C5orf34: variants seen among roughly 807,000 people sequenced by gnomAD.
C5orf34 encodes the protein uncharacterized protein C5orf34.
Under a neutral mutation model 78.4 loss-of-function variants are expected in C5orf34, and 73 were observed. The observed-to-expected ratio is 0.93, with a 90% confidence interval of 0.77 to 1.13. The LOEUF is 1.13. C5orf34 is among the 50% of genes most tolerant of loss of function. The pLI is 0.00. For missense variants in C5orf34, 730 were observed against 732.7 expected, an observed-to-expected ratio of 1.00 and a Z score of 0.04; for synonymous variants, 251 against 246.6, an observed-to-expected ratio of 1.02 and a Z score of -0.17.
chr5:43,507,747 T>G (rs567669709), intron 3 of C5orf34, among the ~76,000 whole-genome samples: 1 of 152,100 alleles, frequency 6.6e-6, no homozygotes, highest in African/African-American at 2.4e-5. Context: ...ATAGACAAAT[T>G]AGGTAAACTC....
At chr5:43,494,889 T>G (rs1454827217) in intron 6 of C5orf34, among the ~76,000 whole-genome samples, 1 of 152,122 alleles carries the variant, frequency 6.6e-6, no homozygotes, top group African/African-American at 2.4e-5. Flanking sequence ...AACTACCACA[T>G]GCAAAAAAGA....
chr5:43,512,066 C>T (rs1169597276), intron 1 of C5orf34, among the ~76,000 whole-genome samples: 1 of 151,486 alleles, frequency 6.6e-6, no homozygotes, highest in Non-Finnish European at 1.5e-5. Flanking sequence ...TTCATTCACA[C>T]CTTACCATTT....
At position 43,505,783 on chromosome 5, in the gene C5orf34, G is replaced by A. The variant is rs778005551; in HGVS notation, c.897C>T (p.Ala299=). Residue 299 remains alanine (A), a synonymous_variant, in exon 4 of 13, where the codon GCC becomes GCT. Coordinates refer to ENST00000306862, the MANE Select transcript of C5orf34 (RefSeq NM_198566.4). ...RGKVVSVLPR[A]LSLSCPVPHL... ...GTGGGACTGGACAGCTGAGTGACAG[G>A]GCCCTGGGAAGAACAGAAACCACTT... 10 of 1,596,134 alleles carry A rather than the reference G, an allele frequency of 6.3e-6. No individual in the cohort carries two copies. The East Asian group carries it at 2.0e-4, about 32-fold the overall frequency.
At chr5:43,512,569 ACT>A (rs1194745662) in intron 1 of C5orf34, among the ~76,000 whole-genome samples, 4 of 151,714 alleles carry the variant, frequency 2.6e-5, no homozygotes, top group Non-Finnish European at 4.4e-5. Context: ...CTTGCACCAA[ACT>A]CTCTTTTCCC....
rs145539790 is a variant in C5orf34 at position 43,488,310 on chromosome 5, C to T, written c.1680-361G>A. 4.7e-4 allele frequency: 92 copies of T among 196,094 alleles called. No homozygotes were observed. The East Asian group carries it at 0.011, about 23-fold the overall frequency. 12.1% of individuals were successfully genotyped at this position (196,094 alleles called of 1,614,324 possible). A position where few individuals can be genotyped will look rare whatever the true frequency, so the allele number is the denominator to read the frequency against. The stretch of plus-strand genomic sequence containing the variant: ...AAACTTTACAAACCTATTAAAATCC[C>T]ATTCCTTCTGTGAAAGAACTGCTCT... On this transcript the variant is annotated intron_variant, in intron 11 of 12. Coordinates refer to ENST00000306862, the MANE Select transcript of C5orf34 (RefSeq NM_198566.4).
intron 11 of C5orf34, among the ~76,000 whole-genome samples, chr5:43,489,170 C>G (rs1023522292): frequency 6.6e-6 from 1 of 151,782 alleles, no homozygotes; most frequent in Non-Finnish European, 1.5e-5. Context: ...TTATTGCTCT[C>G]ATAATGAACG....
At chr5:43,493,646 C>CA in intron 7 of C5orf34, 34 bp from the exon 8 acceptor site, 1 of 1,286,104 alleles carries the variant, frequency 7.8e-7, no homozygotes, top group Non-Finnish European at 1.1e-6. Context: ...TAAACATTTG[C>CA]AAATGACATT....
chr5:43,496,097 C>T, intron 6 of C5orf34: 1 of 1,482,532 alleles, frequency 6.7e-7, no homozygotes, highest in Non-Finnish European at 9.2e-7. Flanking sequence ...TTCAAATTCG[C>T]CAACACCAGC....
chr5:43,492,369 C>A, intron 9 of C5orf34, 60 bp from the exon 10 acceptor site: 1 of 1,046,928 alleles, frequency 9.6e-7, no homozygotes, highest in Non-Finnish European at 1.5e-6. Context: ...ACATAAACAA[C>A]CTATTCTAAC....
At chr5:43,493,264 G>T (rs1480489269) in intron 8 of C5orf34, among the ~76,000 whole-genome samples, 1 of 151,604 alleles carries the variant, frequency 6.6e-6, no homozygotes, top group African/African-American at 2.4e-5. Context: ...ATAATATCAT[G>T]GTTTATAATG....
At chr5:43,493,433 TACAA>T in intron 8 of C5orf34, 106 bp downstream of exon 8, 1 of 674,316 alleles carries the variant, frequency 1.5e-6, no homozygotes, top group Non-Finnish European at 2.6e-6. Context: ...ACATTAATGT[TACAA>T]GAATTTCTCA....
In C5orf34 at chr5:43,493,576, T is replaced by C. The variant is rs1250242056; in HGVS notation, c.1281A>G (p.Leu427=). The C allele has an allele frequency of 1.3e-6, 2 of 1,581,502 alleles. No homozygotes were observed. The highest frequency in any genetic ancestry group is 1.2e-5 in the South Asian group (1 of 86,826). ...LQHCVKMRLS[L]SHNYRICCWK... ...AGCAGCATATACGATAGTTATGGCT[T>C]AAAGAAAGTCTCATCTTCACACAAT... Residue 427 remains leucine, a synonymous_variant, in exon 8 of 13, where the codon TTA becomes TTG. Transcript: ENST00000306862.
At chr5:43,508,336 G>T (rs1471623858) in intron 3 of C5orf34, among the ~76,000 whole-genome samples, 4 of 151,978 alleles carry the variant, frequency 2.6e-5, no homozygotes, top group African/African-American at 9.7e-5. Flanking sequence ...TACTGAAAAT[G>T]GTCACATAAT....
chr5:43,506,042 CT>C lies in C5orf34; in HGVS notation c.637del (p.Ser213ValfsTer3). 6.2e-7 allele frequency: 1 copy of C among 1,614,158 alleles called. No individual in the cohort carries two copies. ...CCTCCCTTCAGTTCCATTTACACAA[CT>C]CATCTTCTTTAAAGTTTCTTTGGAT... Reference protein sequence around the residue: ...MKSKETLKKMSCVNGTEGREE... With the variant: ...MKSKETLKKMXCVNGTEGREE... On this transcript the variant is annotated frameshift_variant, in exon 4 of 13. Transcript: ENST00000306862. LOFTEE classifies it high-confidence loss of function.
rs1745486551 is a variant in C5orf34, at chr5:43,495,696, T to G, written c.1153-1095A>C. 7.6e-6 allele frequency: 12 copies of G among 1,580,816 alleles called. No individual in the cohort carries two copies. The Middle Eastern group carries it at 1.5e-3, about 197-fold the overall frequency. On this transcript the variant is annotated intron_variant, in intron 6 of 12. Transcript: ENST00000306862. ...GGAACAGTACCAATACCACCAATTT[T>G]GTAGACATCCTGGAGAGGCAGGCGC...
chr5:43,507,274 C>T (rs528907528), intron 3 of C5orf34, among the ~76,000 whole-genome samples: 1 of 152,268 alleles, frequency 6.6e-6, no homozygotes, highest in South Asian at 2.1e-4. Flanking sequence ...ATTAATTTTG[C>T]CAAGCATTTA....
At chr5:43,514,504 T>A (rs1455249606) in intron 1 of C5orf34, among the ~76,000 whole-genome samples, 1 of 152,134 alleles carries the variant, frequency 6.6e-6, no homozygotes, top group Non-Finnish European at 1.5e-5. Context: ...ATAGCTTTAC[T>A]GAGGCGGTTT....
At chr5:43,513,677 C>T (rs980486141) in intron 1 of C5orf34, among the ~76,000 whole-genome samples, 4 of 152,210 alleles carry the variant, frequency 2.6e-5, no homozygotes, top group Non-Finnish European at 4.4e-5. Flanking sequence ...AGCTCTTTCC[C>T]ATCTTTGCAG....
chr5:43,496,008 C>G (rs1274977594), intron 6 of C5orf34: 22 of 1,591,268 alleles, frequency 1.4e-5, no homozygotes, highest in Non-Finnish European at 1.9e-5. Context: ...TTGTTAACAC[C>G]AACAATTAGT....
Sources: allele counts gnomAD v4.1 joint callset (sites outside exome capture counted in the v4.1 genomes callset), GRCh38; gene constraint gnomAD v4.1.1; transcripts MANE v1.5; gene names NCBI Gene and HGNC (gene_info 2026-07-23, HGNC 2026-07-21).